Variants in CDKL4 observed in about 807,000 individuals in gnomAD.
CDKL4 encodes the protein cyclin-dependent kinase-like 4.
Under a neutral mutation model 42.0 loss-of-function variants are expected in CDKL4, and 44 were observed. That is an observed-to-expected ratio of 1.05 (90% confidence interval 0.82 to 1.35). The LOEUF is 1.35. CDKL4 is among the 40% of genes most tolerant of loss of function. The probability of loss-of-function intolerance (pLI) is 0.00; values close to 1 mark genes in which losing one functional copy is unlikely to be tolerated. For missense variants in CDKL4, 393 were observed against 369.9 expected, an observed-to-expected ratio of 1.06 and a Z score of -0.51; for synonymous variants, 120 against 121.6, an observed-to-expected ratio of 0.99 and a Z score of 0.09.
downstream of CDKL4, among the ~76,000 whole-genome samples, chr2:39,175,153 T>C (rs578058349): frequency 2.1e-3 from 321 of 152,256 alleles, no homozygotes; most frequent in African/African-American, 7.4e-3. Context: ...GGCTGTACAA[T>C]TTCATAGAGG....
chr2:39,216,646 C>G (rs1378375548), intron 3 of CDKL4, among the ~76,000 whole-genome samples: 1 of 151,996 alleles, frequency 6.6e-6, no homozygotes, highest in Admixed American at 6.6e-5. Flanking sequence ...GATTTCAGTC[C>G]TTGAGAGGGA....
downstream of CDKL4, among the ~76,000 whole-genome samples, chr2:39,175,253 TAGAC>T (rs1255708903): frequency 2.6e-5 from 4 of 152,136 alleles, no homozygotes; most frequent in Non-Finnish European, 5.9e-5. Context: ...TGAGATGACT[TAGAC>T]AGGAGGAGAA....
At chr2:39,240,307 T>C (rs548836113) in intron 1 of CDKL4, among the ~76,000 whole-genome samples, 4 of 148,738 alleles carry the variant, frequency 2.7e-5, no homozygotes, top group African/African-American at 9.9e-5. Context: ...GCACCTGTAA[T>C]CCCAGGTACT....
chr2:39,234,675 A>G (rs1272598141), intron 1 of CDKL4, among the ~76,000 whole-genome samples: 1 of 152,216 alleles, frequency 6.6e-6, no homozygotes, highest in Non-Finnish European at 1.5e-5. Flanking sequence ...GAATAAAACA[A>G]TCAAAGATAA....
chr2:39,209,634 G>C (rs146887269), intron 4 of CDKL4, among the ~76,000 whole-genome samples: 6 of 152,286 alleles, frequency 3.9e-5, no homozygotes, highest in South Asian at 2.1e-4. Context: ...ATGAACCATA[G>C]TTGGAGTAGC....
At chr2:39,237,286 G>T (rs1159973734) in intron 1 of CDKL4, among the ~76,000 whole-genome samples, 1 of 152,088 alleles carries the variant, frequency 6.6e-6, no homozygotes, top group Non-Finnish European at 1.5e-5. Context: ...CATATTAATA[G>T]AATAAAAGAA....
At chr2:39,174,031 C>G (rs1675072686), downstream of CDKL4, among the ~76,000 whole-genome samples, 1 of 151,478 alleles carries the variant, frequency 6.6e-6, no homozygotes, top group Non-Finnish European at 1.5e-5. Context: ...TTCCTGATAA[C>G]AAGATGAAAA....
downstream of CDKL4, among the ~76,000 whole-genome samples, chr2:39,174,092 A>C (rs1278557012): frequency 6.6e-6 from 1 of 152,110 alleles, no homozygotes; most frequent in Non-Finnish European, 1.5e-5. Context: ...TGTAGGCCAG[A>C]TCAGATCAGC....
intron 5 of CDKL4, 147 bp from the exon 6 acceptor site, chr2:39,190,649 C>T (rs1247333267): frequency 3.1e-6 from 2 of 654,432 alleles, no homozygotes; most frequent in Non-Finnish European, 5.3e-6. Flanking sequence ...ATTGAGGAAA[C>T]AGTTACTGTG....
At chr2:39,175,768 C>T (rs1316140014) in exon 10 of CDKL4, 1 of 244,150 alleles carries the variant, frequency 4.1e-6, no homozygotes, top group Non-Finnish European at 8.2e-6. Flanking sequence ...AATGTCTCTT[C>T]CATATGTGCA....
the CDKL4 span, among the ~76,000 whole-genome samples, chr2:39,168,084 T>C: frequency 5.6e-4 from 86 of 152,258 alleles, no homozygotes; most frequent in African/African-American, 2.0e-3. Context: ...TTTCAAAGTA[T>C]CTTAAGCTAA....
intron 1 of CDKL4, among the ~76,000 whole-genome samples, chr2:39,231,385 T>A (rs1050360031): frequency 6.6e-6 from 1 of 152,240 alleles, no homozygotes; most frequent in African/African-American, 2.4e-5. Flanking sequence ...AATATTGTCT[T>A]TTCCAACTAC....
At chr2:39,218,227 G>A (rs538587044) in intron 3 of CDKL4, among the ~76,000 whole-genome samples, 5,181 of 152,162 alleles carry the variant, frequency 0.034, 127 homozygotes, top group South Asian at 0.059. Context: ...TCTGCCAGGT[G>A]CAGTGGCTCA....
chr2:39,225,485 T>C (rs1678646756), intron 3 of CDKL4, among the ~76,000 whole-genome samples: 1 of 152,184 alleles, frequency 6.6e-6, no homozygotes, highest in African/African-American at 2.4e-5. Flanking sequence ...TTATCAACAT[T>C]TCAAATTTTC....
intron 5 of CDKL4, among the ~76,000 whole-genome samples, chr2:39,196,408 A>G (rs1676518261): frequency 6.6e-6 from 1 of 152,148 alleles, no homozygotes. Context: ...GGCTAGATCC[A>G]GAAGAGAAAT....
intron 4 of CDKL4, among the ~76,000 whole-genome samples, chr2:39,208,456 T>G (rs1035891739): frequency 8.0e-5 from 12 of 149,512 alleles, no homozygotes; most frequent in Non-Finnish European, 1.5e-4. Flanking sequence ...CTCTCCTGCC[T>G]CAGCCTCCTG....
chr2:39,210,960 T>C (rs1202837986), intron 4 of CDKL4, among the ~76,000 whole-genome samples: 1 of 152,238 alleles, frequency 6.6e-6, no homozygotes, highest in African/African-American at 2.4e-5. Context: ...TTGAAATGTA[T>C]TCTCATGATC....
intron 3 of CDKL4, among the ~76,000 whole-genome samples, chr2:39,221,173 C>T (rs1005179033): frequency 7.3e-5 from 11 of 151,418 alleles, no homozygotes; most frequent in Non-Finnish European, 1.6e-4. Context: ...GCCACCACGC[C>T]TGGCTAATTT....
chr2:39,206,432 A>T (rs1558564047), intron 4 of CDKL4, among the ~76,000 whole-genome samples: 1 of 152,172 alleles, frequency 6.6e-6, no homozygotes, highest in South Asian at 2.1e-4. Context: ...CGTCATCATA[A>T]TGACCCTGAA....
Sources: gnomAD v4.1 joint callset for allele counts (sites outside exome capture counted in the v4.1 genomes callset) on GRCh38, gnomAD v4.1.1 for gene constraint, MANE v1.5 for transcripts, NCBI Gene and HGNC (gene_info 2026-07-23, HGNC 2026-07-21) for gene names.